FDCSP: variants seen among roughly 807,000 people sequenced by gnomAD.
The protein encoded by FDCSP is follicular dendritic cell secreted peptide.
A neutral mutation model predicts 8.9 loss-of-function variants in FDCSP; 8 were observed. The ratio of observed to expected loss-of-function variants is 0.90; its 90% CI spans 0.53 to 1.63. The LOEUF is 1.63. FDCSP is among the 40% of genes most tolerant of loss of function. The pLI, the probability that FDCSP is intolerant of heterozygous loss-of-function variation, is 0.00. For missense variants in FDCSP, 101 were observed against 103.6 expected (o/e 0.98, Z 0.11); for synonymous variants, 34 against 34.5 (o/e 0.98, Z 0.06).
intron 2 of FDCSP, 62 bp from the exon 3 acceptor site, chr4:70,232,932 A>G (rs1199201968): frequency 3.1e-6 from 4 of 1,301,950 alleles, no homozygotes; most frequent in South Asian, 2.6e-5. Flanking sequence ...ATGCATATGT[A>G]TATATTTATT....
At chr4:70,228,210 T>C (rs1730021378) in intron 1 of FDCSP, among the ~76,000 whole-genome samples, 1 of 151,860 alleles carries the variant, frequency 6.6e-6, no homozygotes, top group Non-Finnish European at 1.5e-5. Flanking sequence ...AATCATTTAC[T>C]GTCATTTGAA....
chr4:70,227,387 A>G (rs1411659841), intron 1 of FDCSP, among the ~76,000 whole-genome samples: 3 of 151,800 alleles, frequency 2.0e-5, no homozygotes, highest in Non-Finnish European at 4.4e-5. Flanking sequence ...TTTGATTAGT[A>G]TCAGAAAATA....
chr4:70,233,916 G>T, intron 3 of FDCSP, 104 bp from the exon 4 acceptor site: 3 of 1,037,976 alleles, frequency 2.9e-6, no homozygotes, highest in Non-Finnish European at 2.8e-6. Context: ...AGCTTCTAAA[G>T]CCTCTTCCTA....
At chr4:70,230,011 A>G (rs889575397) in intron 1 of FDCSP, among the ~76,000 whole-genome samples, 5 of 151,696 alleles carry the variant, frequency 3.3e-5, no homozygotes, top group Admixed American at 6.6e-5. Context: ...TTGCCACTCA[A>G]TTAGTAAAAA....
chr4:70,229,984 T>A (rs1730053356), intron 1 of FDCSP, among the ~76,000 whole-genome samples: 1 of 151,646 alleles, frequency 6.6e-6, no homozygotes, highest in Admixed American at 6.6e-5. Flanking sequence ...ACTTGCTCGA[T>A]GCCGGATTGC....
chr4:70,232,556 C>T (rs1730103113), intron 2 of FDCSP, among the ~76,000 whole-genome samples: 1 of 151,514 alleles, frequency 6.6e-6, no homozygotes, highest in Non-Finnish European at 1.5e-5. Flanking sequence ...CGCTGAACTA[C>T]CCATTTCTCA....
intron 1 of FDCSP, among the ~76,000 whole-genome samples, chr4:70,229,363 T>C (rs1388561812): frequency 1.3e-5 from 2 of 151,792 alleles, no homozygotes; most frequent in African/African-American, 2.4e-5. Context: ...ACTTTCTCCA[T>C]GTTGGGAATA....
chr4:70,234,293 T>G (rs963330460), intron 4 of FDCSP, 78 bp downstream of exon 4: 1 of 1,218,620 alleles, frequency 8.2e-7, no homozygotes, highest in Non-Finnish European at 1.1e-6. Context: ...AAAAAAAATG[T>G]TAACTATGTC....
chr4:70,234,216 G>T lies in FDCSP; in HGVS notation c.*28+1G>T, dbSNP rs1362995389. 6.3e-7 allele frequency: 1 copy of T among 1,590,798 alleles called. No individual in the cohort carries two copies. Among genetic ancestry groups the T allele is most frequent in the East Asian group, 2.3e-5 (1 of 44,214 alleles). ...AGAAGGAAAAGTCACGATAAACCTG[G>T]TAAGTACACATAGTTACAATCATAG... On this transcript the variant is annotated splice_donor_variant, in intron 4 of 4. Coordinates refer to ENST00000317987, the MANE Select transcript of FDCSP (RefSeq NM_152997.4). LOFTEE classifies it low-confidence loss of function (3UTR_SPLICE).
intron 2 of FDCSP, among the ~76,000 whole-genome samples, chr4:70,232,457 AAG>A (rs2109686037): frequency 6.6e-6 from 1 of 151,804 alleles, no homozygotes; most frequent in South Asian, 2.1e-4. Context: ...GTCTAGGAGT[AAG>A]AGACTATACT....
intron 3 of FDCSP, among the ~76,000 whole-genome samples, 193 bp downstream of exon 3, chr4:70,233,219 A>G (rs1730117916): frequency 6.6e-6 from 1 of 151,698 alleles, no homozygotes; most frequent in Non-Finnish European, 1.5e-5. Flanking sequence ...TTATCTCCAT[A>G]TCTCATGTCA....
intron 1 of FDCSP, among the ~76,000 whole-genome samples, chr4:70,227,426 T>G (rs915487249): frequency 1.2e-4 from 18 of 151,742 alleles, no homozygotes; most frequent in Non-Finnish European, 2.4e-4. Context: ...TTGCTACATT[T>G]TTTACACTGC....
intron 4 of FDCSP, 58 bp from the exon 5 acceptor site, chr4:70,235,027 T>C (rs1395632618): frequency 1.3e-5 from 2 of 151,636 alleles, no homozygotes; most frequent in East Asian, 3.9e-4. Context: ...AAAATGTATA[T>C]GTTTCCAAGA....
At chr4:70,228,017 G>T (rs567228493) in intron 1 of FDCSP, among the ~76,000 whole-genome samples, 48 of 151,822 alleles carry the variant, frequency 3.2e-4, no homozygotes, top group Non-Finnish European at 6.3e-4. Flanking sequence ...CTTAAAATAA[G>T]TCAACAATGA....
chr4:70,231,874 A>G (rs1024480210), intron 2 of FDCSP, among the ~76,000 whole-genome samples: 2 of 151,786 alleles, frequency 1.3e-5, no homozygotes, highest in East Asian at 3.9e-4. Context: ...GGAGGTGGAA[A>G]GCAGTGACAT....
chr4:70,231,089 C>T (rs951134839), intron 1 of FDCSP, 106 bp from the exon 2 acceptor site: 61 of 814,586 alleles, frequency 7.5e-5, no homozygotes, highest in Non-Finnish European at 4.8e-5. Flanking sequence ...TCAAATAATT[C>T]GTACTTTAAC....
At chr4:70,226,448 G>A (rs1249208460) in intron 1 of FDCSP, among the ~76,000 whole-genome samples, 1 of 151,756 alleles carries the variant, frequency 6.6e-6, no homozygotes, top group African/African-American at 2.4e-5. Context: ...TTCTAGGAGT[G>A]GAGCACTGGT....
At chr4:70,231,143 T>C in intron 1 of FDCSP, 52 bp from the exon 2 acceptor site, 1 of 1,438,300 alleles carries the variant, frequency 7.0e-7, no homozygotes, top group Non-Finnish European at 9.6e-7. Context: ...TTCTAGGATA[T>C]TTATGAATAA....
chr4:70,231,275 A>G, intron 2 of FDCSP, 24 bp downstream of exon 2: 1 of 1,571,560 alleles, frequency 6.4e-7, no homozygotes, highest in Non-Finnish European at 8.7e-7. Context: ...TATACATTCC[A>G]AAATATTTAT....
Sources: allele counts gnomAD v4.1 joint callset (sites outside exome capture counted in the v4.1 genomes callset), GRCh38; gene constraint gnomAD v4.1.1; transcripts MANE v1.5; gene names NCBI Gene and HGNC (gene_info 2026-07-23, HGNC 2026-07-21).